NPRL3: variants seen among roughly 807,000 people sequenced by gnomAD.
The protein encoded by NPRL3 is GATOR1 complex protein NPRL3.
In NPRL3, 23 loss-of-function variants were observed where a neutral mutation model predicts 57.2. The observed-to-expected ratio is 0.40, with a 90% CI of 0.29 to 0.57. NPRL3 has a LOEUF of 0.57. Among genes scored for constraint, NPRL3 ranks in the 20% least tolerant of loss-of-function variants. NPRL3 has a pLI of 0.42. For missense variants in NPRL3, 691 were observed against 767.1 expected (o/e 0.90, Z 1.17); for synonymous variants, 333 against 321.1 (o/e 1.04, Z -0.39).
intron 2 of NPRL3, among the ~76,000 whole-genome samples, chr16:136,584 C>G (rs1443006151): frequency 6.6e-6 from 1 of 150,744 alleles, no homozygotes; most frequent in Non-Finnish European, 1.5e-5. Context: ...CCCAGCTACT[C>G]GGGAGGCTGA....
At chr16:133,276 A>C (rs1436260772) in intron 2 of NPRL3, among the ~76,000 whole-genome samples, 1 of 152,166 alleles carries the variant, frequency 6.6e-6, no homozygotes, top group Non-Finnish European at 1.5e-5. Flanking sequence ...CCCAGGCTGG[A>C]GTGCAATGTC....
At chr16:88,658 T>C (rs1336954539) in intron 13 of NPRL3, 40 bp downstream of exon 13, 3 of 1,564,430 alleles carry the variant, frequency 1.9e-6, no homozygotes, top group Non-Finnish European at 1.7e-6. Flanking sequence ...GCCCTGACCC[T>C]GCAACTGGCC....
At chr16:90,988 G>A (rs1898739141) in intron 11 of NPRL3, 1 of 152,276 alleles carries the variant, frequency 6.6e-6, no homozygotes, top group South Asian at 2.1e-4. Context: ...GCTGAGGCAG[G>A]AGAATCACTT....
chr16:89,318 G>A, intron 12 of NPRL3: 1 of 268,466 alleles, frequency 3.7e-6, no homozygotes, highest in Non-Finnish European at 7.1e-6. Context: ...GGGGACCGGG[G>A]ACCTGGGACC....
chr16:102,972 C>T (rs1899362836), intron 7 of NPRL3, among the ~76,000 whole-genome samples: 2 of 152,094 alleles, frequency 1.3e-5, no homozygotes, highest in Non-Finnish European at 2.9e-5. Flanking sequence ...TTAAAGATCA[C>T]ACCAGGAGAG....
chr16:123,567 C>G, intron 3 of NPRL3: 1 of 470,168 alleles, frequency 2.1e-6, no homozygotes, highest in Non-Finnish European at 4.4e-6. Context: ...ACAGGACCAT[C>G]AAGACCAAAC....
At chr16:102,196 A>C (rs1442198630) in intron 7 of NPRL3, among the ~76,000 whole-genome samples, 1 of 152,192 alleles carries the variant, frequency 6.6e-6, no homozygotes, top group East Asian at 1.9e-4. Flanking sequence ...GGAGCTTCTA[A>C]AACTCCCTGA....
intron 13 of NPRL3, among the ~76,000 whole-genome samples, chr16:87,527 G>T (rs544679158): frequency 1.5e-5 from 2 of 130,028 alleles, no homozygotes; most frequent in South Asian, 5.5e-4. Flanking sequence ...GTGAGCCACT[G>T]TGCCCAGCCT....
In NPRL3 at chr16:112,715, C is replaced by T. The variant is rs539649449; in HGVS notation, c.454G>A (p.Val152Met). The T allele has an allele frequency of 3.7e-6, 6 of 1,612,088 alleles. No homozygotes were observed. The highest frequency in any genetic ancestry group is 1.3e-5 in the African/African-American group (1 of 75,012). The change falls in exon 6 of 14, where the codon GTG (valine) becomes ATG (methionine). Residue 152 changes from valine to methionine, a missense_variant. Val to Met is a conservative substitution (Grantham distance 21). Coordinates refer to ENST00000611875, the MANE Select transcript of NPRL3 (RefSeq NM_001077350.3). ...CAGCGGCGCTCCTCGTGCTGCAGCA[C>T]GGTGGCGATACGACGGGACAGGTTA... Reference protein sequence around the residue: ...LHNLSRRIATVLQHEERRCQY... With the variant: ...LHNLSRRIATMLQHEERRCQY...
At chr16:87,228 C>CT (rs60167911) in intron 13 of NPRL3, among the ~76,000 whole-genome samples, 6,228 of 149,530 alleles carry the variant, frequency 0.042, 425 homozygotes, top group African/African-American at 0.14. Context: ...ATGGTCACTG[C>CT]TTTTTTTTTT....
In NPRL3 at chr16:92,827, T is replaced by C. The variant is rs2541618; in HGVS notation, c.1032-102A>G. 0.86 allele frequency: 1,276,944 copies of C among 1,487,162 alleles called. 549,147 individuals are homozygous for C. The highest frequency in any genetic ancestry group is 0.9 in the Admixed American group (46,304 of 51,432). 92.1% of individuals were successfully genotyped at this position (1,487,162 alleles called of 1,614,324 possible). A position where few individuals can be genotyped will look rare whatever the true frequency, so the allele number is the denominator to read the frequency against. On this transcript the variant is annotated intron_variant, in intron 10 of 13. Transcript: ENST00000611875. ...AGAGAAGCAAAGTGTGGCAGGTGGGTCAGGACAGTGCGATGAGGGCAGAAC... is the reference window on the plus strand; with the variant it reads ...AGAGAAGCAAAGTGTGGCAGGTGGGCCAGGACAGTGCGATGAGGGCAGAAC...
chr16:98,374 AC>A (rs1368733382), intron 8 of NPRL3, 73 bp from the exon 9 acceptor site: 1 of 1,519,108 alleles, frequency 6.6e-7, no homozygotes, highest in Non-Finnish European at 8.9e-7. Flanking sequence ...CAGGTCCTGC[AC>A]CAGGTATGCA....
chr16:137,871 T>G (rs1240263092), intron 2 of NPRL3, among the ~76,000 whole-genome samples: 1 of 152,178 alleles, frequency 6.6e-6, no homozygotes, highest in African/African-American at 2.4e-5. Context: ...TAATTTTGTA[T>G]TTTCTCATGA....
In NPRL3 at chr16:86,416, C is replaced by T; in HGVS notation, c.*289G>A. Reference sequence around the variant, plus strand: ...GGGCCTTGAAGGATGCGGCCTCACCCAGAGACAGGAGTCCTGGCAGGCCCC... The same window carrying T: ...GGGCCTTGAAGGATGCGGCCTCACCTAGAGACAGGAGTCCTGGCAGGCCCC... On this transcript the variant is annotated 3_prime_UTR_variant, in exon 14 of 14. Coordinates refer to ENST00000611875, the MANE Select transcript of NPRL3 (RefSeq NM_001077350.3). 2.3e-6 allele frequency: 1 copy of T among 431,400 alleles called. No individual in the cohort carries two copies. 26.7% of individuals were successfully genotyped at this position (431,400 alleles called of 1,614,324 possible). A position where few individuals can be genotyped will look rare whatever the true frequency, so the allele number is the denominator to read the frequency against.
chr16:128,832 A>G (rs1900662162), intron 3 of NPRL3, among the ~76,000 whole-genome samples: 2 of 152,090 alleles, frequency 1.3e-5, no homozygotes, highest in South Asian at 4.1e-4. Flanking sequence ...TGCTCCAGGA[A>G]CATGCTCTGA....
At chr16:97,294 G>A (rs894055368) in intron 9 of NPRL3, among the ~76,000 whole-genome samples, 1 of 151,714 alleles carries the variant, frequency 6.6e-6, no homozygotes, top group African/African-American at 2.4e-5. Context: ...GCCCAGGCTG[G>A]AGTACAGTGG....
chr16:105,051 GA>G (rs1899469189), intron 7 of NPRL3, among the ~76,000 whole-genome samples: 1 of 152,202 alleles, frequency 6.6e-6, no homozygotes, highest in African/African-American at 2.4e-5. Context: ...GGTTTGGTCT[GA>G]AAACACTCTG....
At chr16:121,619 C>A (rs865875738) in intron 3 of NPRL3, among the ~76,000 whole-genome samples, 10 of 143,620 alleles carry the variant, frequency 7.0e-5, no homozygotes, top group Non-Finnish European at 6.1e-5. Context: ...AACTCCGTCT[C>A]AAAAAAAAAA....
chr16:116,799 C>CG (rs1555443766), intron 5 of NPRL3, among the ~76,000 whole-genome samples: 1 of 145,306 alleles, frequency 6.9e-6, no homozygotes, highest in Non-Finnish European at 1.5e-5. Flanking sequence ...CCCCCCCCCC[C>CG]ACCGATCTCT....
Sources: gnomAD v4.1 joint callset for allele counts (sites outside exome capture counted in the v4.1 genomes callset) on GRCh38, gnomAD v4.1.1 for gene constraint, MANE v1.5 for transcripts, NCBI Gene and HGNC (gene_info 2026-07-23, HGNC 2026-07-21) for gene names.